Variants in LEPR observed in about 807,000 individuals in gnomAD.
LEPR encodes leptin receptor, also known as OB receptor.
Under a neutral mutation model 114.7 loss-of-function variants are expected in LEPR, and 56 were observed. That is an observed-to-expected ratio of 0.49 (90% CI 0.39 to 0.61). The LOEUF (loss-of-function observed/expected upper bound fraction) is 0.61. Among genes scored for constraint, LEPR ranks in the 20% least tolerant of loss-of-function variants. The probability of loss-of-function intolerance (pLI) is 0.00; values close to 1 mark genes in which losing one functional copy is unlikely to be tolerated. For synonymous variants in LEPR, 443 were observed against 461.4 expected, an observed-to-expected ratio of 0.96 and a Z score of 0.51; for missense variants, 1,202 against 1,352.9, an observed-to-expected ratio of 0.89 and a Z score of 1.75.
At chr1:65,526,197 C>A in intron 2 of LEPR, 2 of 984,620 alleles carry the variant, frequency 2.0e-6, no homozygotes, top group Non-Finnish European at 2.4e-6. Context: ...AACAGTAAAC[C>A]CTGGGGTCCT....
rs1285003599 is a variant in LEPR at position 65,601,830 on chromosome 1, A to G, written c.1286-13A>G. 7.5e-6 allele frequency: 12 copies of G among 1,605,300 alleles called. No homozygotes were observed. The Admixed American group carries it at 1.5e-4, about 20-fold the overall frequency. On this transcript the variant is annotated splice_polypyrimidine_tract_variant and intron_variant, in intron 9 of 19. Coordinates refer to ENST00000349533, the MANE Select transcript of LEPR (RefSeq NM_002303.6). Reference sequence around the variant, plus strand: ...TTTTGCTTTATATTAATATTTTAATATGTTTCAAATAGATGTCAATATCAA... The same window carrying G: ...TTTTGCTTTATATTAATATTTTAATGTGTTTCAAATAGATGTCAATATCAA...
chr1:65,468,411 G>A (rs1195359004), intron 2 of LEPR, among the ~76,000 whole-genome samples: 2 of 152,148 alleles, frequency 1.3e-5, no homozygotes, highest in Admixed American at 6.5e-5. Context: ...ATAGTTATAC[G>A]AGAACAATCT....
chr1:65,454,383 G>T (rs1298161314), intron 2 of LEPR, among the ~76,000 whole-genome samples: 2 of 151,986 alleles, frequency 1.3e-5, no homozygotes, highest in Non-Finnish European at 2.9e-5. Flanking sequence ...AGTCTCGATG[G>T]TCTTTACATT....
intron 2 of LEPR, among the ~76,000 whole-genome samples, chr1:65,436,393 C>T (rs1646563299): frequency 6.6e-6 from 1 of 152,180 alleles, no homozygotes; most frequent in Non-Finnish European, 1.5e-5. Flanking sequence ...AATATGTCCT[C>T]CTTATGCACA....
chr1:65,426,487 T>C (rs956799699), intron 2 of LEPR, among the ~76,000 whole-genome samples: 4 of 151,684 alleles, frequency 2.6e-5, no homozygotes, highest in African/African-American at 4.9e-5. Flanking sequence ...TGAGACTAGA[T>C]AGGAAAGAGC....
At chr1:65,424,561 C>G (rs559953547) in intron 1 of LEPR, among the ~76,000 whole-genome samples, 2 of 152,046 alleles carry the variant, frequency 1.3e-5, no homozygotes, top group African/African-American at 2.4e-5. Context: ...TTCAAGGTGG[C>G]AGACATGGGT....
At chr1:65,581,677 A>G (rs1483185149) in intron 5 of LEPR, among the ~76,000 whole-genome samples, 1 of 152,146 alleles carries the variant, frequency 6.6e-6, no homozygotes, top group Non-Finnish European at 1.5e-5. Flanking sequence ...AGTGTTTGCT[A>G]TCTGGAGAGG....
chr1:65,567,947 C>T (rs1208448714), intron 3 of LEPR, among the ~76,000 whole-genome samples: 1 of 151,698 alleles, frequency 6.6e-6, no homozygotes, highest in Non-Finnish European at 1.5e-5. Context: ...CATTATGGTT[C>T]ACTCTTGGTG....
chr1:65,519,003 TTC>T (rs1649479918), intron 2 of LEPR, among the ~76,000 whole-genome samples: 1 of 120,264 alleles, frequency 8.3e-6, no homozygotes, highest in Non-Finnish European at 2.0e-5. Flanking sequence ...TCCTTCTTTC[TTC>T]TTTCTTTCTC....
At position 65,610,244 on chromosome 1, in the gene LEPR, T is replaced by C. The variant is rs1186220619; in HGVS notation, c.1943T>C (p.Ile648Thr). The C allele has an allele frequency of 1.2e-6, 2 of 1,613,862 alleles. No homozygotes were observed. Among genetic ancestry groups the C allele is most frequent in the Admixed American group, 3.3e-5 (2 of 59,990 alleles). ...ATGAGAGGACCTGAATTTTGGAGAA[T>C]AATTAATGGAGATACTATGAAAAAG... ...VPMRGPEFWR[I>T]INGDTMKKEK... Residue 648 changes from isoleucine (I) to threonine (T), a missense_variant, in exon 14 of 20, where the codon ATA becomes ACA. Coordinates refer to ENST00000349533, the MANE Select transcript of LEPR (RefSeq NM_002303.6).
intron 2 of LEPR, among the ~76,000 whole-genome samples, chr1:65,484,379 T>A (rs1199046011): frequency 1.3e-5 from 2 of 152,186 alleles, no homozygotes; most frequent in Non-Finnish European, 2.9e-5. Flanking sequence ...TACATATACA[T>A]GCCTCCCACA....
chr1:65,530,210 G>A (rs576814415), intron 2 of LEPR, among the ~76,000 whole-genome samples: 2 of 152,116 alleles, frequency 1.3e-5, no homozygotes, highest in Non-Finnish European at 2.9e-5. Flanking sequence ...AGTCATCTTC[G>A]ATTCCTCCTA....
Position 65,507,550 on chromosome 1 carries a change from T to C in LEPR, c.-20-57996T>C, listed in dbSNP as rs895098228. Among the ~76,000 whole-genome samples the C allele has an allele frequency of 9.5e-5, 14 of 146,880 alleles. No individual in the cohort carries two copies. The East Asian group carries it at 1.2e-3, about 12-fold the overall frequency. Reference sequence around the variant, plus strand: ...ATATATATGTGTGTATATATATATATACACACACACACAACATTAAAAAAA... The same window carrying C: ...ATATATATGTGTGTATATATATATACACACACACACACAACATTAAAAAAA... On this transcript the variant is annotated intron_variant, in intron 2 of 19. Transcript: ENST00000349533.
intron 14 of LEPR, among the ~76,000 whole-genome samples, chr1:65,613,143 G>A (rs1475654365): frequency 6.6e-6 from 1 of 152,036 alleles, no homozygotes; most frequent in Non-Finnish European, 1.5e-5. Flanking sequence ...ATTTATATTA[G>A]TATGGACAAT....
chr1:65,433,706 A>G, intron 2 of LEPR: 15 of 944,756 alleles, frequency 1.6e-5, no homozygotes, highest in Non-Finnish European at 1.9e-5. Context: ...CAATATTTAT[A>G]TTAGAAAAAT....
chr1:65,549,821 T>C (rs994810105), intron 2 of LEPR, among the ~76,000 whole-genome samples: 5 of 152,218 alleles, frequency 3.3e-5, no homozygotes, highest in Non-Finnish European at 7.3e-5. Context: ...CTCGTCAAAG[T>C]CATTCTCCAT....
chr1:65,479,172 A>G (rs1429333532), intron 2 of LEPR, among the ~76,000 whole-genome samples: 1 of 152,182 alleles, frequency 6.6e-6, no homozygotes, highest in East Asian at 1.9e-4. Flanking sequence ...AATTTTACAA[A>G]TGGAAAAAGG....
intron 2 of LEPR, among the ~76,000 whole-genome samples, chr1:65,496,266 G>A (rs1200114910): frequency 1.3e-5 from 2 of 152,192 alleles, no homozygotes; most frequent in South Asian, 4.1e-4. Context: ...GAGAAAATTT[G>A]TTTTAATAAA....
intron 2 of LEPR, among the ~76,000 whole-genome samples, chr1:65,436,988 C>G (rs1646572351): frequency 6.6e-6 from 1 of 152,132 alleles, no homozygotes; most frequent in Non-Finnish European, 1.5e-5. Context: ...TTCTTACAGC[C>G]TTCTCCTCAA....
Sources: gnomAD v4.1 joint callset for allele counts (sites outside exome capture counted in the v4.1 genomes callset) on GRCh38, gnomAD v4.1.1 for gene constraint, MANE v1.5 for transcripts, NCBI Gene and HGNC (gene_info 2026-07-23, HGNC 2026-07-21) for gene names.